USP46: variants seen among roughly 807,000 people sequenced by gnomAD.
USP46 encodes ubiquitin carboxyl-terminal hydrolase 46.
Under a neutral mutation model 44.4 loss-of-function variants are expected in USP46, and 12 were observed. The observed-to-expected ratio is 0.27, with a 90% CI of 0.17 to 0.44. The LOEUF is 0.44. Among genes scored for constraint, USP46 ranks in the 20% least tolerant of loss-of-function variants. The probability of loss-of-function intolerance (pLI) is 1.00; values close to 1 mark genes in which losing one functional copy is unlikely to be tolerated. For missense variants in USP46, 248 were observed against 444.8 expected, an observed-to-expected ratio of 0.56 and a Z score of 3.98; for synonymous variants, 155 against 161.5, an observed-to-expected ratio of 0.96 and a Z score of 0.31.
At position 52,596,906 on chromosome 4, in the gene USP46, T is replaced by C. The variant is rs1445916177; in HGVS notation, c.*734A>G. The C allele has an allele frequency of 6.6e-6, 1 of 152,654 alleles. No individual in the cohort carries two copies. The highest frequency in any genetic ancestry group is 1.5e-5 in the Non-Finnish European group (1 of 68,044). 9.5% of individuals were successfully genotyped at this position (152,654 alleles called of 1,614,324 possible). ...GAGTTATTTTCCTGAAACTTGGTTTTGGTAGAAAGGTACGAAAATAACTTT... is the reference window on the plus strand; with the variant it reads ...GAGTTATTTTCCTGAAACTTGGTTTCGGTAGAAAGGTACGAAAATAACTTT... On this transcript the variant is annotated 3_prime_UTR_variant, in exon 9 of 9. Transcript: ENST00000441222.
intron 1 of USP46, among the ~76,000 whole-genome samples, chr4:52,641,612 G>C (rs143252307): frequency 4.7e-4 from 72 of 152,270 alleles, no homozygotes; most frequent in Non-Finnish European, 8.8e-4. Flanking sequence ...GGCATTAAAA[G>C]GTCTGGAAAA....
At chr4:52,639,860 GTTTT>G (rs34078992) in intron 1 of USP46, among the ~76,000 whole-genome samples, 3 of 116,620 alleles carry the variant, frequency 2.6e-5, no homozygotes, top group Admixed American at 8.8e-5. Context: ...CCATGCCTGG[GTTTT>G]TTTTTTTTTT....
At chr4:52,634,218 A>G (rs1718021509) in intron 1 of USP46, among the ~76,000 whole-genome samples, 3 of 150,698 alleles carry the variant, frequency 2.0e-5, no homozygotes, top group Admixed American at 2.0e-4. Flanking sequence ...GGTTCAAACA[A>G]TTCTCCTGGG....
intron 1 of USP46, among the ~76,000 whole-genome samples, chr4:52,638,266 C>T (rs1718189827): frequency 6.6e-6 from 1 of 152,008 alleles, no homozygotes; most frequent in South Asian, 2.1e-4. Flanking sequence ...GACGGAGAGA[C>T]TGAAGATGCC....
At position 52,626,642 on chromosome 4, in the gene USP46, T is replaced by G. The variant is rs73152480; in HGVS notation, c.332-395A>C. ...CTGGCCCATACTTCAACTTTTATAT[T>G]GAAAGGATGGACAGGTATGGAATAT... On this transcript the variant is annotated intron_variant, in intron 3 of 8. Coordinates refer to ENST00000441222, the MANE Select transcript of USP46 (RefSeq NM_022832.4). Among the ~76,000 whole-genome samples the G allele has an allele frequency of 7.0e-3, 1,064 of 152,218 alleles. 3 individuals carry two copies. Among genetic ancestry groups the G allele is most frequent in the African/African-American group, 0.02 (843 of 41,522 alleles).
At chr4:52,636,060 T>C (rs917646118) in intron 1 of USP46, among the ~76,000 whole-genome samples, 2 of 152,208 alleles carry the variant, frequency 1.3e-5, no homozygotes, top group African/African-American at 2.4e-5. Context: ...AGGCTGTAGA[T>C]GGAATTAATT....
Position 52,659,095 on chromosome 4 carries a change from G to A in USP46, c.36+20C>T, listed in dbSNP as rs753642951. Reference sequence around the variant, plus strand: ...CTCGCCGCGAGTCGGGCGCGACCCCGAGGCGGCTCGGCCACTCACCATATT... The same window carrying A: ...CTCGCCGCGAGTCGGGCGCGACCCCAAGGCGGCTCGGCCACTCACCATATT... On this transcript the variant is annotated intron_variant, in intron 1 of 8. Transcript: ENST00000441222. The surrounding 1 kb of genome is among the most constrained non-coding windows in gnomAD (Gnocchi z 4.2). The A allele has an allele frequency of 1.9e-6, 3 of 1,552,558 alleles. No individual in the cohort carries two copies. Among genetic ancestry groups the A allele is most frequent in the African/African-American group, 1.4e-5 (1 of 70,618 alleles).
intron 5 of USP46, among the ~76,000 whole-genome samples, chr4:52,606,878 G>A (rs566362755): frequency 1.5e-4 from 23 of 152,326 alleles, no homozygotes; most frequent in African/African-American, 5.5e-4. Context: ...AGTACATGGT[G>A]CATAAAACAA....
chr4:52,617,207 G>A (rs748579469), intron 4 of USP46, among the ~76,000 whole-genome samples: 1 of 152,104 alleles, frequency 6.6e-6, no homozygotes, highest in Admixed American at 6.5e-5. Flanking sequence ...ATTCATTTCT[G>A]TTTCTAATTT....
At position 52,595,344 on chromosome 4, in the gene USP46, G is replaced by A. The variant is rs1017241891; in HGVS notation, c.*2296C>T. 10 of 152,522 alleles carry A rather than the reference G, an allele frequency of 6.6e-5. No homozygotes were observed. Among genetic ancestry groups the A allele is most frequent in the African/African-American group, 2.4e-4 (10 of 41,424 alleles). The allele number at this position is 152,522 out of a possible 1,614,324, so 9.4% of individuals were successfully genotyped here. Reference sequence around the variant, plus strand: ...TGTTTCATTTATTGAGAAGGAAGAGGGAAAAAATTAGCAGATAGCTCTAAA... The same window carrying A: ...TGTTTCATTTATTGAGAAGGAAGAGAGAAAAAATTAGCAGATAGCTCTAAA... On this transcript the variant is annotated 3_prime_UTR_variant, in exon 9 of 9. Coordinates refer to ENST00000441222, the MANE Select transcript of USP46 (RefSeq NM_022832.4).
intron 1 of USP46, among the ~76,000 whole-genome samples, chr4:52,643,957 G>A (rs2109658078): frequency 6.6e-6 from 1 of 152,268 alleles, no homozygotes; most frequent in East Asian, 1.9e-4. Flanking sequence ...CAGATGTAAG[G>A]CTTGGGCAGC....
intron 2 of USP46, 57 bp from the exon 3 acceptor site, chr4:52,628,220 G>T: frequency 6.4e-7 from 1 of 1,550,630 alleles, no homozygotes; most frequent in Non-Finnish European, 8.8e-7. Context: ...GCCACCTCTG[G>T]AATAAGTGGT....
rs1244527565 is a variant in USP46 at position 52,596,432 on chromosome 4, T to C, written c.*1208A>G. The C allele has an allele frequency of 6.6e-6, 1 of 152,206 alleles. No homozygotes were observed. Among genetic ancestry groups the C allele is most frequent in the Admixed American group, 6.5e-5 (1 of 15,286 alleles). 9.4% of individuals were successfully genotyped at this position (152,206 alleles called of 1,614,324 possible). On this transcript the variant is annotated 3_prime_UTR_variant, in exon 9 of 9. Coordinates refer to ENST00000441222, the MANE Select transcript of USP46 (RefSeq NM_022832.4). The stretch of plus-strand genomic sequence containing the variant: ...ATAACAAAAGTGAAAAAAGTAACTA[T>C]AGTGAGATGAGGTTCTTCCAAAAAA...
intron 1 of USP46, among the ~76,000 whole-genome samples, chr4:52,649,298 G>T (rs1336647582): frequency 6.6e-6 from 1 of 152,180 alleles, no homozygotes; most frequent in Non-Finnish European, 1.5e-5. Flanking sequence ...AAGCATGAAG[G>T]CATCATAGCT....
chr4:52,607,596 A>G (rs1716738406), intron 5 of USP46, among the ~76,000 whole-genome samples: 1 of 152,206 alleles, frequency 6.6e-6, no homozygotes, highest in East Asian at 1.9e-4. Flanking sequence ...CTCATATTCA[A>G]TTGTAGTCCC....
Position 52,626,078 on chromosome 4 carries a change from C to T in USP46, c.501G>A (p.Trp167Ter), listed in dbSNP as rs984948176. 2 of 1,613,754 alleles carry T rather than the reference C, an allele frequency of 1.2e-6. No homozygotes were observed. Among genetic ancestry groups the T allele is most frequent in the Non-Finnish European group, 1.7e-6 (2 of 1,179,878 alleles). ...GCGTTCCCTGAAAAATCTCATGGAC[C>T]CAGGTGAGTTCTGGTTTATTATTTT... ...PAENNKPELT[W>*]VHEIFQGTLT... The change falls in exon 4 of 9, where the codon TGG becomes TGA. Residue 167 changes from tryptophan (W) to a stop codon, truncating the protein, a stop_gained. Transcript: ENST00000441222. LOFTEE classifies it high-confidence loss of function.
At chr4:52,644,014 C>T (rs891222200) in intron 1 of USP46, among the ~76,000 whole-genome samples, 2 of 152,194 alleles carry the variant, frequency 1.3e-5, no homozygotes, top group Admixed American at 1.3e-4. Context: ...TGCTGGCTGT[C>T]ACACATTACC....
intron 4 of USP46, among the ~76,000 whole-genome samples, chr4:52,618,809 C>T (rs1717266000): frequency 6.6e-6 from 1 of 152,178 alleles, no homozygotes; most frequent in African/African-American, 2.4e-5. Flanking sequence ...CCCAGCCCTA[C>T]TCCTATCTGC....
chr4:52,648,321 C>T (rs1718630842), intron 1 of USP46, among the ~76,000 whole-genome samples: 1 of 152,142 alleles, frequency 6.6e-6, no homozygotes, highest in Non-Finnish European at 1.5e-5. Context: ...GCCATGAATC[C>T]TGGAGGGAGG....
Sources: allele counts gnomAD v4.1 joint callset (sites outside exome capture counted in the v4.1 genomes callset), GRCh38; gene constraint gnomAD v4.1.1; non-coding constraint Gnocchi (gnomAD v3.1); transcripts MANE v1.5; gene names NCBI Gene and HGNC (gene_info 2026-07-23, HGNC 2026-07-21).